TBCD: variants seen among roughly 807,000 people sequenced by gnomAD.
TBCD encodes the protein tubulin-specific chaperone D.
Under a neutral mutation model 169.3 loss-of-function variants are expected in TBCD, and 105 were observed. That is an observed-to-expected ratio of 0.62 (90% CI 0.53 to 0.73). TBCD has a LOEUF of 0.73. Among genes scored for constraint, TBCD ranks in the 30% least tolerant of loss-of-function variants. The pLI is 0.00. For synonymous variants in TBCD, 700 were observed against 643.9 expected, an observed-to-expected ratio of 1.09 and a Z score of -1.32; for missense variants, 1,444 against 1,600.1, an observed-to-expected ratio of 0.90 and a Z score of 1.66.
rs893422123 is a variant in TBCD, at chr17:82,752,080, C to G, written c.-114C>G. On this transcript the variant is annotated 5_prime_UTR_variant, in exon 1 of 39. Coordinates refer to ENST00000355528, the MANE Select transcript of TBCD (RefSeq NM_005993.5). ...GCGGGGCGGGGCCAGCGTCGGTTGCCGCCTTAGCGGGCGCCTCCTTTTCAT... is the reference window on the plus strand; with the variant it reads ...GCGGGGCGGGGCCAGCGTCGGTTGCGGCCTTAGCGGGCGCCTCCTTTTCAT... The G allele has an allele frequency of 3.2e-6, 4 of 1,236,126 alleles. No individual in the cohort carries two copies. Among genetic ancestry groups the G allele is most frequent in the Non-Finnish European group, 4.2e-6 (4 of 947,590 alleles). 76.6% of individuals were successfully genotyped at this position (1,236,126 alleles called of 1,614,324 possible). A position where few individuals can be genotyped will look rare whatever the true frequency, so the allele number is the denominator to read the frequency against.
rs2063600453 is a variant in TBCD, at chr17:82,945,142, A to G, written c.*2679A>G. 1 of 152,242 alleles carries G rather than the reference A, an allele frequency of 6.6e-6. No homozygotes were observed. The highest frequency in any genetic ancestry group is 1.5e-5 in the Non-Finnish European group (1 of 68,036). 9.4% of individuals were successfully genotyped at this position (152,242 alleles called of 1,614,324 possible). On this transcript the variant is annotated 3_prime_UTR_variant, in exon 39 of 39. Transcript: ENST00000355528. ...ATGATCAAGAAGAGATTAGAAAAAA[A>G]CAGAGCCCCTAGAAATGTAAGAAGT...
intron 13 of TBCD, among the ~76,000 whole-genome samples, chr17:82,858,012 A>T (rs2056461314): frequency 6.6e-6 from 1 of 152,068 alleles, no homozygotes; most frequent in Admixed American, 6.6e-5. Context: ...TCCCAGGCTC[A>T]AGCGATCCTC....
In TBCD at chr17:82,864,925, G is replaced by C. The variant is rs1471919241; in HGVS notation, c.1319-5299G>C. Among the ~76,000 whole-genome samples, 2 of 136,402 alleles carry C rather than the reference G, an allele frequency of 1.5e-5. No homozygotes were observed. Among genetic ancestry groups the C allele is most frequent in the African/African-American group, 5.2e-5 (2 of 38,670 alleles). 89.5% of individuals were successfully genotyped at this position (136,402 alleles called of 152,430 possible). On this transcript the variant is annotated intron_variant, in intron 13 of 38. Coordinates refer to ENST00000355528, the MANE Select transcript of TBCD (RefSeq NM_005993.5). This position sits in a 1 kb window ranked among gnomAD's most constrained non-coding sequence, Gnocchi z 6.3. ...CCGTGGGGACAGCGGGGGCCTGCTT[G>C]TGTTGGGGGTGGGGCTCCTTGCCCC... is the stretch of plus-strand genomic sequence containing the variant.
At chr17:82,901,268 C>T (rs2059872532) in intron 18 of TBCD, among the ~76,000 whole-genome samples, 1 of 152,226 alleles carries the variant, frequency 6.6e-6, no homozygotes, top group Admixed American at 6.5e-5. Flanking sequence ...GTGACCGCCG[C>T]CCTGAGGAGG....
At chr17:82,846,311 G>GCGTCCTCTGTGCCACGTCCCCT (rs1567879164) in intron 13 of TBCD, among the ~76,000 whole-genome samples, 3,127 of 133,374 alleles carry the variant, frequency 0.023, 176 homozygotes, top group Admixed American at 0.066. Context: ...TCCACGTGCT[G>GCGTCCTCTGTGCCACGTCCCCT]CGTCCAGCGT....
chr17:82,774,473 C>G (rs2048464464), intron 6 of TBCD, among the ~76,000 whole-genome samples: 1 of 152,250 alleles, frequency 6.6e-6, no homozygotes, highest in African/African-American at 2.4e-5. Flanking sequence ...CAGTAACAAA[C>G]TGATGTCTCT....
chr17:82,830,129 T>A, intron 13 of TBCD: 1 of 1,613,222 alleles, frequency 6.2e-7, no homozygotes, highest in Non-Finnish European at 8.5e-7. Flanking sequence ...TGAACACACG[T>A]GTGAACCCGG....
At position 82,941,381 on chromosome 17, in the gene TBCD, C is replaced by T. The variant is rs372123519; in HGVS notation, c.3480-18C>T. 6.4e-7 allele frequency: 1 copy of T among 1,570,902 alleles called. No homozygotes were observed. The highest frequency in any genetic ancestry group is 8.6e-7 in the Non-Finnish European group (1 of 1,164,302). ...CGGTGGGCACTCGAGAGACTCACGG[C>T]TCTCCCTCTCCTCACAGGGACGCGG... On this transcript the variant is annotated intron_variant, in intron 37 of 38. Transcript: ENST00000355528.
At chr17:82,796,688 T>C (rs112339227) in intron 7 of TBCD, among the ~76,000 whole-genome samples, 129 of 152,360 alleles carry the variant, frequency 8.5e-4, no homozygotes, top group Non-Finnish European at 1.5e-3. Context: ...TGGTGGTCTG[T>C]GTGCCTTTGC....
At position 82,921,993 on chromosome 17, in the gene TBCD, T is replaced by C. The variant is rs77054774; in HGVS notation, c.2178+416T>C. Among the ~76,000 whole-genome samples the C allele has an allele frequency of 1.1e-4, 17 of 152,296 alleles. No individual in the cohort carries two copies. The East Asian group carries it at 3.3e-3, about 29-fold the overall frequency. ...CACACATTGACCTGGTCATGTTGTG[T>C]GGGTGCCAGTGTGTGTGTGTGTCCC... is the stretch of plus-strand genomic sequence containing the variant. On this transcript the variant is annotated intron_variant, in intron 25 of 38. Coordinates refer to ENST00000355528, the MANE Select transcript of TBCD (RefSeq NM_005993.5).
At chr17:82,899,101 G>T (rs1259959546) in intron 17 of TBCD, among the ~76,000 whole-genome samples, 10 of 152,228 alleles carry the variant, frequency 6.6e-5, no homozygotes, top group Admixed American at 1.3e-4. Context: ...TGCGCCTGGG[G>T]ACCGTCCGCA....
Position 82,921,476 on chromosome 17 carries a change from G to A in TBCD, c.2102-25G>A, listed in dbSNP as rs540319868. ...TTTCATGGTGTTTTTGATTGCCTGG[G>A]TACGCTAACTTGATTTTTTGACAGA... On this transcript the variant is annotated intron_variant, in intron 24 of 38. Coordinates refer to ENST00000355528, the MANE Select transcript of TBCD (RefSeq NM_005993.5). The A allele has an allele frequency of 2.2e-5, 35 of 1,605,290 alleles. No homozygotes were observed. The South Asian group carries it at 3.3e-4, about 15-fold the overall frequency.
At chr17:82,753,440 C>G (rs1353434091) in intron 1 of TBCD, among the ~76,000 whole-genome samples, 1 of 101,418 alleles carries the variant, frequency 9.9e-6, no homozygotes, top group African/African-American at 3.4e-5. Flanking sequence ...AGCCCAATGG[C>G]TTCTTCCTTT....
chr17:82,929,318 G>C, intron 31 of TBCD, 44 bp from the exon 32 acceptor site: 2 of 1,610,080 alleles, frequency 1.2e-6, no homozygotes, highest in Non-Finnish European at 1.7e-6. Context: ...CAGCCATGGC[G>C]AGATCATTGG....
chr17:82,819,841 C>T (rs181388424), intron 13 of TBCD, among the ~76,000 whole-genome samples: 2 of 152,126 alleles, frequency 1.3e-5, no homozygotes, highest in Admixed American at 6.5e-5. Context: ...TCTTTGAACA[C>T]CTCTGTTGTT....
chr17:82,940,406 G>T (rs981962382), intron 37 of TBCD, among the ~76,000 whole-genome samples: 1 of 152,136 alleles, frequency 6.6e-6, no homozygotes, highest in African/African-American at 2.4e-5. Flanking sequence ...GAGGGCCTCC[G>T]TGCTGATCCC....
Position 82,880,725 on chromosome 17 carries a change from TGTCC to T in TBCD, c.1476-3412_1476-3409del, listed in dbSNP as rs369304760. ...GGCTCCCCACACAGTGACACCTGTC[TGTCC>T]GTCCGTCTGTCCACAGGAGCAGGAG... On this transcript the variant is annotated intron_variant, in intron 14 of 38. Transcript: ENST00000355528. This position sits in a 1 kb window ranked among gnomAD's most constrained non-coding sequence, Gnocchi z 5.0. Among the ~76,000 whole-genome samples, 304 of 152,292 alleles carry T rather than the reference TGTCC, an allele frequency of 2.0e-3. 2 individuals carry two copies. Among genetic ancestry groups the T allele is most frequent in the African/African-American group, 7.1e-3 (295 of 41,560 alleles).
chr17:82,787,669 A>G (rs1271426192), intron 7 of TBCD, among the ~76,000 whole-genome samples: 1 of 152,208 alleles, frequency 6.6e-6, no homozygotes, highest in East Asian at 1.9e-4. Flanking sequence ...ACTTGGCTTC[A>G]TTGTCATCCA....
At chr17:82,768,387 A>G (rs1451106708) in intron 4 of TBCD, 33 bp from the exon 5 acceptor site, 2 of 1,612,684 alleles carry the variant, frequency 1.2e-6, no homozygotes, top group Non-Finnish European at 1.7e-6. Flanking sequence ...ATTTTCAAGC[A>G]AGACTCATTC....
Sources: allele counts gnomAD v4.1 joint callset (sites outside exome capture counted in the v4.1 genomes callset), GRCh38; gene constraint gnomAD v4.1.1; non-coding constraint Gnocchi (gnomAD v3.1); transcripts MANE v1.5; gene names NCBI Gene and HGNC (gene_info 2026-07-23, HGNC 2026-07-21).